The following HGS variants were observed in gnomAD, a reference collection of about 807,000 sequenced individuals.
HGS encodes hepatocyte growth factor-regulated tyrosine kinase substrate, also known as human growth factor-regulated tyrosine kinase substrate.
In HGS, 63 loss-of-function variants were observed where a neutral mutation model predicts 109.7. That is an observed-to-expected ratio of 0.57 (90% CI 0.47 to 0.71). The LOEUF (loss-of-function observed/expected upper bound fraction) is 0.71, where lower values mean the gene tolerates loss of function less well. Among genes scored for constraint, HGS ranks in the 30% least tolerant of loss-of-function variants. HGS has a pLI of 0.00. For synonymous variants in HGS, 546 were observed against 437.3 expected, an observed-to-expected ratio of 1.25 and a Z score of -3.10; for missense variants, 995 against 1,068.3, an observed-to-expected ratio of 0.93 and a Z score of 0.96.
chr17:81,701,651 C>A lies in HGS; in HGVS notation c.*33C>A. The A allele has an allele frequency of 6.6e-7, 1 of 1,526,262 alleles. No homozygotes were observed. Among genetic ancestry groups the A allele is most frequent in the Non-Finnish European group, 8.8e-7 (1 of 1,137,976 alleles). The allele number at this position is 1,526,262 out of a possible 1,614,324, so 94.5% of individuals were successfully genotyped here. A position where few individuals can be genotyped will look rare whatever the true frequency, so the allele number is the denominator to read the frequency against. ...CATGCTCACGTCCGGAGTAACACTA[C>A]ATACAGTTCACCTGAAACGCCTCGT... On this transcript the variant is annotated 3_prime_UTR_variant, in exon 22 of 22. Transcript: ENST00000329138.
At chr17:81,687,268 C>T (rs67606182) in intron 4 of HGS, among the ~76,000 whole-genome samples, 173 bp downstream of exon 4, 12,317 of 152,222 alleles carry the variant, frequency 0.081, 575 homozygotes, top group East Asian at 0.22. Context: ...GAGACAGGGC[C>T]GTGAGCCCCA....
chr17:81,701,747 G>T lies in HGS; in HGVS notation c.*129G>T. ...TGTCCCTTCTCTGCGAGTGAGGGGG[G>T]GCCTTCACCCCAAGCCCACCTCCCT... is the stretch of plus-strand genomic sequence containing the variant. On this transcript the variant is annotated 3_prime_UTR_variant, in exon 22 of 22. Transcript: ENST00000329138. The T allele has an allele frequency of 7.4e-7, 1 of 1,348,200 alleles. No individual in the cohort carries two copies. The highest frequency in any genetic ancestry group is 9.9e-7 in the Non-Finnish European group (1 of 1,014,834). The allele number at this position is 1,348,200 out of a possible 1,614,324, so 83.5% of individuals were successfully genotyped here.
chr17:81,695,739 T>C (rs757085208), intron 14 of HGS, 47 bp from the exon 15 acceptor site: 4 of 1,578,722 alleles, frequency 2.5e-6, no homozygotes, highest in Non-Finnish European at 3.5e-6. Flanking sequence ...CCAGGGAGGC[T>C]GGCTGGGGCG....
intron 6 of HGS, 71 bp downstream of exon 6, chr17:81,690,305 C>G: frequency 6.6e-7 from 1 of 1,508,908 alleles, no homozygotes; most frequent in Admixed American, 1.7e-5. Flanking sequence ...GTGCTGGGAG[C>G]CCGGCTTGTT....
Position 81,700,407 on chromosome 17 carries a change from TC to T in HGS, c.1883-57del, listed in dbSNP as rs1428016187. 5 of 1,425,968 alleles carry T rather than the reference TC, an allele frequency of 3.5e-6. No individual in the cohort carries two copies. In the African/African-American group the frequency reaches 5.8e-5, roughly 17 times the overall value. The allele number at this position is 1,425,968 out of a possible 1,614,324, so 88.3% of individuals were successfully genotyped here. Reference sequence around the variant, plus strand: ...AAAAGTAAAACTCAAGAGTAGGGTGTCCCTTCCTCTCCTCCCTGTTGCCCTG... The same window carrying T: ...AAAAGTAAAACTCAAGAGTAGGGTGTCCTTCCTCTCCTCCCTGTTGCCCTG... On this transcript the variant is annotated intron_variant, in intron 18 of 21. Transcript: ENST00000329138.
In HGS at chr17:81,701,540, G is replaced by GC. The variant is rs770388467; in HGVS notation, c.2262dup (p.Val755ArgfsTer86). On this transcript the variant is annotated frameshift_variant, in exon 22 of 22. Coordinates refer to ENST00000329138, the MANE Select transcript of HGS (RefSeq NM_004712.5). LOFTEE classifies it high-confidence loss of function. Reference sequence around the variant, plus strand: ...CCTCTGGCGGTCCCCCCCAGCAGCAGCCCCCCGTGGCCCAGCAACCGCAGG... The same window carrying GC: ...CCTCTGGCGGTCCCCCCCAGCAGCAGCCCCCCCGTGGCCCAGCAACCGCAGG... The GC allele has an allele frequency of 6.4e-7, 1 of 1,564,578 alleles. No homozygotes were observed. Among genetic ancestry groups the GC allele is most frequent in the Non-Finnish European group, 8.6e-7 (1 of 1,161,960 alleles).
rs2037021287 is a variant in HGS, at chr17:81,688,764, G to T, written c.352G>T (p.Ala118Ser). The T allele has an allele frequency of 6.2e-7, 1 of 1,614,044 alleles. No homozygotes were observed. Among genetic ancestry groups the T allele is most frequent in the Admixed American group, 1.7e-5 (1 of 60,004 alleles). ...ILYLIQAWAH[A>S]FRNEPKYKVV... ...GTACCTGATCCAGGCCTGGGCGCAT[G>T]CCTTCCGGAACGAGCCCAAGTACAA... Residue 118 changes from alanine to serine, a missense_variant, in exon 5 of 22, where the codon GCC becomes TCC. Physicochemically the swap from Ala to Ser is moderately conservative, Grantham distance 99. Transcript: ENST00000329138.
intron 3 of HGS, 45 bp downstream of exon 3, chr17:81,686,432 C>A: frequency 7.1e-7 from 1 of 1,400,290 alleles, no homozygotes; most frequent in South Asian, 1.2e-5. Context: ...GTCCCTACCC[C>A]CTACTAGTCA....
At chr17:81,697,530 C>G (rs910603961) in intron 18 of HGS, 1 of 152,502 alleles carries the variant, frequency 6.6e-6, no homozygotes, top group Non-Finnish European at 1.5e-5. Flanking sequence ...GCCGAGGTGA[C>G]GTGCATCCCG....
At chr17:81,699,348 C>G (rs887095686) in intron 18 of HGS, among the ~76,000 whole-genome samples, 5 of 152,204 alleles carry the variant, frequency 3.3e-5, no homozygotes, top group African/African-American at 1.2e-4. Context: ...TTGGTCAGAC[C>G]ATGTCACTCA....
At chr17:81,689,106 C>T (rs2037026648) in intron 5 of HGS, among the ~76,000 whole-genome samples, 1 of 152,220 alleles carries the variant, frequency 6.6e-6, no homozygotes, top group African/African-American at 2.4e-5. Flanking sequence ...AGTGGCAGGA[C>T]TCCTGGGGGC....
chr17:81,688,958 C>T (rs2037024235), intron 5 of HGS, 131 bp downstream of exon 5: 2 of 1,264,612 alleles, frequency 1.6e-6, no homozygotes, highest in Non-Finnish European at 2.2e-6. Flanking sequence ...GGGCGGTGGC[C>T]TGGAGCCAGG....
intron 13 of HGS, 21 bp downstream of exon 13, chr17:81,695,088 A>T: frequency 6.2e-7 from 1 of 1,612,258 alleles, no homozygotes; most frequent in Non-Finnish European, 8.5e-7. Context: ...CACTCCCGGC[A>T]TTCCTAGTGG....
chr17:81,701,396 GTGGA>G, intron 21 of HGS, 108 bp from the exon 22 acceptor site: 2 of 1,192,062 alleles, frequency 1.7e-6, no homozygotes, highest in Non-Finnish European at 1.2e-6. Context: ...GCTGCAGTCC[GTGGA>G]CATGGATTAC....
chr17:81,701,462 C>T (rs1291773838), intron 21 of HGS, 46 bp from the exon 22 acceptor site: 5 of 1,516,898 alleles, frequency 3.3e-6, no homozygotes, highest in Non-Finnish European at 4.4e-6. Flanking sequence ...CCTCCCTGGG[C>T]TGGGGAAGGG....
Position 81,695,796 on chromosome 17 carries a change from A to G in HGS, c.1190A>G (p.His397Arg). The change falls in exon 15 of 22, where the codon CAC (histidine) becomes CGC (arginine). Residue 397 changes from histidine to arginine, a missense_variant. His to Arg is a conservative substitution (Grantham distance 29). This residue lies in a region of HGS where 300 missense variants were observed against 235.4 expected (regional missense o/e 1.27). Transcript: ENST00000329138. ...SGGPFSEPQF[H>R]NGESEESHEQ... ...CTGCTCTGCCTGCAGCCACAGTTCC[A>G]CAATGGCGAGTCTGAGGAGAGCCAC... 1.2e-6 allele frequency: 2 copies of G among 1,613,404 alleles called. No homozygotes were observed. The highest frequency in any genetic ancestry group is 8.5e-7 in the Non-Finnish European group (1 of 1,179,998).
chr17:81,684,590 A>G (rs1214037644), intron 1 of HGS: 3 of 156,998 alleles, frequency 1.9e-5, no homozygotes, highest in Non-Finnish European at 2.8e-5. Context: ...TTTTGTTCCC[A>G]CACTGGCTTC....
rs770889861 is a variant in HGS at position 81,686,987 on chromosome 17, TC to T, written c.199-14del. The stretch of plus-strand genomic sequence containing the variant: ...CTGACCACTGGCCCAACCCTTCCCT[TC>T]CTGGGCATCTGCAGGTCATGGAATC... On this transcript the variant is annotated splice_polypyrimidine_tract_variant and intron_variant, in intron 3 of 21. Coordinates refer to ENST00000329138, the MANE Select transcript of HGS (RefSeq NM_004712.5). 6.8e-6 allele frequency: 11 copies of T among 1,608,836 alleles called. No homozygotes were observed. Among genetic ancestry groups the T allele is most frequent in the Non-Finnish European group, 7.6e-6 (9 of 1,176,948 alleles).
At chr17:81,686,697 G>A (rs951076763) in intron 3 of HGS, among the ~76,000 whole-genome samples, 3 of 152,266 alleles carry the variant, frequency 2.0e-5, no homozygotes, top group African/African-American at 7.2e-5. Flanking sequence ...GCGGTGCTGT[G>A]CAGGCTGCTG....
Sources: allele counts gnomAD v4.1 joint callset (sites outside exome capture counted in the v4.1 genomes callset), GRCh38; gene constraint gnomAD v4.1.1; regional missense constraint gnomAD v4.1.1; transcripts MANE v1.5; gene names NCBI Gene and HGNC (gene_info 2026-07-23, HGNC 2026-07-21).